The following RSU1 variants were observed in gnomAD, a reference collection of about 807,000 sequenced individuals.
RSU1 encodes rsu-1.
A neutral mutation model predicts 31.1 loss-of-function variants in RSU1; 26 were observed. That is an observed-to-expected ratio of 0.84 (90% confidence interval 0.61 to 1.16). The LOEUF is 1.16. RSU1 is among the 50% of genes most tolerant of loss of function. RSU1 has a pLI of 0.00. For synonymous variants in RSU1, 164 were observed against 136.3 expected (o/e 1.20, Z -1.41); for missense variants, 320 against 339.1 (o/e 0.94, Z 0.44).
At chr10:16,785,246 TG>T (rs1368136112) in intron 2 of RSU1, among the ~76,000 whole-genome samples, 1 of 152,018 alleles carries the variant, frequency 6.6e-6, no homozygotes, top group Non-Finnish European at 1.5e-5. Flanking sequence ...TCTCCTGTGC[TG>T]GATGCTCGCT....
chr10:16,658,466 G>A (rs1272260954), intron 8 of RSU1, among the ~76,000 whole-genome samples: 2 of 152,182 alleles, frequency 1.3e-5, no homozygotes, highest in African/African-American at 2.4e-5. Context: ...GCTCATGCCT[G>A]TAATCCCAGC....
At chr10:16,669,735 G>A (rs150246796) in intron 8 of RSU1, among the ~76,000 whole-genome samples, 79 of 152,174 alleles carry the variant, frequency 5.2e-4, no homozygotes, top group African/African-American at 1.8e-3. Flanking sequence ...AGCTCCATCC[G>A]TGTCCCTGCA....
chr10:16,666,001 G>A (rs577644390), intron 8 of RSU1, among the ~76,000 whole-genome samples: 2 of 152,182 alleles, frequency 1.3e-5, no homozygotes, highest in Non-Finnish European at 2.9e-5. Flanking sequence ...CTGTGTCCTT[G>A]GGATTAAATA....
intron 2 of RSU1, among the ~76,000 whole-genome samples, chr10:16,783,665 T>G (rs1003888864): frequency 2.0e-5 from 3 of 152,126 alleles, no homozygotes; most frequent in Non-Finnish European, 2.9e-5. Flanking sequence ...CATGTTTTTT[T>G]TTTTGTTTTG....
rs61842274 is a variant in RSU1, at chr10:16,670,298, C to T, written c.731+24725G>A. On this transcript the variant is annotated intron_variant, in intron 8 of 8. Coordinates refer to ENST00000345264, the MANE Select transcript of RSU1 (RefSeq NM_012425.4). Reference sequence around the variant, plus strand: ...GTGTTCACTGAGCTTGCTACATAATCGTACATGCTAAAGACCCCTTTTTAT... The same window carrying T: ...GTGTTCACTGAGCTTGCTACATAATTGTACATGCTAAAGACCCCTTTTTAT... Among the ~76,000 whole-genome samples, 19 of 152,278 alleles carry T rather than the reference C, an allele frequency of 1.2e-4. 1 individual carries two copies. The highest frequency in any genetic ancestry group is 2.1e-4 in the South Asian group (1 of 4,826).
intron 8 of RSU1, among the ~76,000 whole-genome samples, chr10:16,614,780 A>G (rs1000964804): frequency 2.0e-5 from 3 of 152,228 alleles, no homozygotes; most frequent in Non-Finnish European, 4.4e-5. Context: ...ACTAAGGAAT[A>G]GATCACCATG....
chr10:16,622,841 C>T (rs1404024405), intron 8 of RSU1, among the ~76,000 whole-genome samples: 4 of 152,154 alleles, frequency 2.6e-5, no homozygotes, highest in Non-Finnish European at 5.9e-5. Flanking sequence ...CCTCAGGGCC[C>T]CTGAACAGGA....
chr10:16,631,902 C>T (rs1246848949), intron 8 of RSU1, among the ~76,000 whole-genome samples: 1 of 152,152 alleles, frequency 6.6e-6, no homozygotes, highest in African/African-American at 2.4e-5. Flanking sequence ...GGATTGGTCT[C>T]GGTCATGGGG....
In RSU1 at chr10:16,779,429, C is replaced by T. The variant is rs1369702793; in HGVS notation, c.160+2605G>A. 2.6e-5 allele frequency among the ~76,000 whole-genome samples: 4 copies of T among 152,304 alleles called. No homozygotes were observed. In the South Asian group the frequency reaches 6.2e-4, roughly 24 times the overall value. ...CACTGGCAAGAAAAGGCAAGTCAAC[C>T]ACGTGCCACACTGTTTCAATAACCC... On this transcript the variant is annotated intron_variant, in intron 3 of 8. Coordinates refer to ENST00000345264, the MANE Select transcript of RSU1 (RefSeq NM_012425.4).
At chr10:16,761,328 G>C (rs1263789441) in intron 4 of RSU1, among the ~76,000 whole-genome samples, 1 of 152,134 alleles carries the variant, frequency 6.6e-6, no homozygotes, top group Non-Finnish European at 1.5e-5. Context: ...TTTATAGTTG[G>C]TTTCTCCAAC....
At chr10:16,743,115 C>A (rs1403038550) in intron 7 of RSU1, among the ~76,000 whole-genome samples, 1 of 152,086 alleles carries the variant, frequency 6.6e-6, no homozygotes. Context: ...CAATAAAATC[C>A]AAGTCAAAAT....
At chr10:16,811,884 A>G (rs1355532019) in intron 2 of RSU1, among the ~76,000 whole-genome samples, 1 of 152,164 alleles carries the variant, frequency 6.6e-6, no homozygotes, top group Non-Finnish European at 1.5e-5. Context: ...CCCAAGTACT[A>G]TGCCAAGTAG....
chr10:16,749,096 T>A (rs1588510526), intron 7 of RSU1, among the ~76,000 whole-genome samples: 1 of 152,172 alleles, frequency 6.6e-6, no homozygotes, highest in African/African-American at 2.4e-5. Context: ...GAACTTAACC[T>A]GAATGAATAA....
Position 16,780,672 on chromosome 10 carries a change from C to T in RSU1, c.160+1362G>A, listed in dbSNP as rs377558253. Among the ~76,000 whole-genome samples the T allele has an allele frequency of 6.6e-5, 10 of 152,332 alleles. No homozygotes were observed. In the South Asian group the frequency reaches 2.1e-3, roughly 32 times the overall value. ...ACACAACAGAACATGTCAGTTATTA[C>T]TGCTCACAAATCTTGGGGGATTTAG... On this transcript the variant is annotated intron_variant, in intron 3 of 8. Transcript: ENST00000345264.
chr10:16,637,586 T>A (rs943655381), intron 8 of RSU1, among the ~76,000 whole-genome samples: 4 of 152,084 alleles, frequency 2.6e-5, no homozygotes, highest in African/African-American at 9.7e-5. Flanking sequence ...GACTCCCTGT[T>A]TTTTAGTTTT....
chr10:16,726,486 C>T (rs534003885), intron 7 of RSU1, among the ~76,000 whole-genome samples: 51 of 152,040 alleles, frequency 3.4e-4, no homozygotes, highest in African/African-American at 1.1e-3. Flanking sequence ...AGGATGGTCC[C>T]GATATCTTGA....
Position 16,660,645 on chromosome 10 carries a change from C to CTTTT in RSU1, c.731+34374_731+34377dup, listed in dbSNP as rs796601054. ...TCCAGTTCATTTATTCTTGAACTCT[C>CTTTT]TTTTTTTTTTTTTTTTTTTGAGGAA... On this transcript the variant is annotated intron_variant, in intron 8 of 8. Transcript: ENST00000345264. 1.3e-3 allele frequency among the ~76,000 whole-genome samples: 101 copies of CTTTT among 79,536 alleles called. 12 individuals carry two copies. Among genetic ancestry groups the CTTTT allele is most frequent in the African/African-American group, 5.6e-3 (95 of 17,026 alleles). 52.2% of individuals were successfully genotyped at this position (79,536 alleles called of 152,430 possible). A position where few individuals can be genotyped will look rare whatever the true frequency, so the allele number is the denominator to read the frequency against.
chr10:16,617,264 A>G (rs1408399667), intron 8 of RSU1, among the ~76,000 whole-genome samples: 2 of 152,212 alleles, frequency 1.3e-5, no homozygotes, highest in Non-Finnish European at 2.9e-5. Flanking sequence ...AATACCTAGG[A>G]ATCCACCTTA....
chr10:16,724,194 T>C (rs946544542), intron 7 of RSU1, among the ~76,000 whole-genome samples: 51 of 152,022 alleles, frequency 3.4e-4, no homozygotes, highest in Non-Finnish European at 5.1e-4. Context: ...TTGCCTGCCT[T>C]CGCCTCCCAA....
Sources: allele counts gnomAD v4.1 joint callset (sites outside exome capture counted in the v4.1 genomes callset), GRCh38; gene constraint gnomAD v4.1.1; transcripts MANE v1.5; gene names NCBI Gene and HGNC (gene_info 2026-07-23, HGNC 2026-07-21).